The following MAP2K7 variants were observed in gnomAD, a reference collection of about 807,000 sequenced individuals.
MAP2K7 encodes dual specificity mitogen-activated protein kinase kinase 7.
Under a neutral mutation model 47.7 loss-of-function variants are expected in MAP2K7, and 12 were observed. The observed-to-expected ratio is 0.25, with a 90% CI of 0.16 to 0.41. The LOEUF (loss-of-function observed/expected upper bound fraction) is 0.41, where lower values mean the gene tolerates loss of function less well. MAP2K7 is among the 10% of genes least tolerant of loss of function. The pLI is 1.00. For missense variants in MAP2K7, 415 were observed against 600.3 expected (o/e 0.69, Z 3.23); for synonymous variants, 299 against 243.0 (o/e 1.23, Z -2.14).
At chr19:7,910,672 C>T (rs1160957509) in intron 5 of MAP2K7, 24 bp from the exon 6 acceptor site, 1 of 1,606,332 alleles carries the variant, frequency 6.2e-7, no homozygotes, top group Admixed American at 1.7e-5. Flanking sequence ...GACACAGCTC[C>T]CCCGGGTGCC....
In MAP2K7 at chr19:7,910,132, AC is replaced by A; in HGVS notation, c.333+5del. ...GCTACCTGACCATCGGGGGCCAGGT[AC>A]CACCTTCACTGTGGCGGGGAGAGGG... On this transcript the variant is annotated splice_donor_region_variant and intron_variant, in intron 3 of 10. Coordinates refer to ENST00000397979, the MANE Select transcript of MAP2K7 (RefSeq NM_145185.4). 1 of 1,606,006 alleles carries A rather than the reference AC, an allele frequency of 6.2e-7. No homozygotes were observed. Among genetic ancestry groups the A allele is most frequent in the Non-Finnish European group, 8.5e-7 (1 of 1,176,928 alleles).
chr19:7,912,681 C>A lies in MAP2K7; in HGVS notation c.*250C>A. 1 of 560,552 alleles carries A rather than the reference C, an allele frequency of 1.8e-6. No individual in the cohort carries two copies. The highest frequency in any genetic ancestry group is 3.2e-6 in the Non-Finnish European group (1 of 315,934). The allele number at this position is 560,552 out of a possible 1,614,324, so 34.7% of individuals were successfully genotyped here. Reference sequence around the variant, plus strand: ...ACACTGTGAACGGAAGACAGCAGGCCGCGATCAGAGTCGCTGTTCATTCAG... The same window carrying A: ...ACACTGTGAACGGAAGACAGCAGGCAGCGATCAGAGTCGCTGTTCATTCAG... On this transcript the variant is annotated 3_prime_UTR_variant, in exon 11 of 11. Coordinates refer to ENST00000397979, the MANE Select transcript of MAP2K7 (RefSeq NM_145185.4).
chr19:7,910,672 C>A (rs1160957509), intron 5 of MAP2K7, 24 bp from the exon 6 acceptor site: 1 of 1,606,450 alleles, frequency 6.2e-7, no homozygotes, highest in South Asian at 1.1e-5. Context: ...GACACAGCTC[C>A]CCCGGGTGCC....
At chr19:7,907,492 C>G (rs1252935051) in intron 1 of MAP2K7, among the ~76,000 whole-genome samples, 1 of 152,230 alleles carries the variant, frequency 6.6e-6, no homozygotes, top group African/African-American at 2.4e-5. Flanking sequence ...GCCTCTCGCT[C>G]TCTCTCATCC....
intron 1 of MAP2K7, 78 bp downstream of exon 1, chr19:7,904,146 A>C: frequency 8.8e-7 from 1 of 1,131,452 alleles, no homozygotes. Context: ...CCCCACCACA[A>C]GGCCCCGCCC....
At chr19:7,904,103 G>T in intron 1 of MAP2K7, 35 bp downstream of exon 1, 1 of 971,238 alleles carries the variant, frequency 1.0e-6, no homozygotes. Context: ...GGGCGGGCGG[G>T]CGGGGCGGGG....
intron 7 of MAP2K7, 27 bp from the exon 8 acceptor site, chr19:7,911,223 A>T (rs765186979): frequency 6.2e-7 from 1 of 1,608,048 alleles, no homozygotes; most frequent in South Asian, 1.1e-5. Flanking sequence ...AGCCTTGGAG[A>T]TACGTCTTCT....
rs1435136254 is a variant in MAP2K7 at position 7,909,803 on chromosome 19, C to T, written c.173C>T (p.Ser58Leu). Reference sequence around the variant, plus strand: ...GATGGGGGCAGCCGCTCGCCATCCTCAGAGAGCTCCCCGCAGCACCCCACG... The same window carrying T: ...GATGGGGGCAGCCGCTCGCCATCCTTAGAGAGCTCCCCGCAGCACCCCACG... ...ANDGGSRSPS[S>L]ESSPQHPTPP... The change falls in exon 2 of 11, where the codon TCA (serine) becomes TTA (leucine). Residue 58 changes from serine to leucine, a missense_variant. Ser to Leu is a moderately radical substitution (Grantham distance 145). Coordinates refer to ENST00000397979, the MANE Select transcript of MAP2K7 (RefSeq NM_145185.4). The T allele has an allele frequency of 1.9e-6, 3 of 1,543,434 alleles. No homozygotes were observed. Among genetic ancestry groups the T allele is most frequent in the Non-Finnish European group, 1.7e-6 (2 of 1,146,184 alleles).
Position 7,911,501 on chromosome 19 carries a change from A to G in MAP2K7, c.1002A>G (p.Lys334=). ...NCKTDFEVLT[K]VLQEEPPLLP... The stretch of plus-strand genomic sequence containing the variant: ...AGACGGACTTTGAGGTCCTCACCAA[A>G]GTCCTACAGGAAGAGCCCCCGCTTC... Residue 334 remains lysine (K), a synonymous_variant, in exon 9 of 11, where the codon AAA becomes AAG. Coordinates refer to ENST00000397979, the MANE Select transcript of MAP2K7 (RefSeq NM_145185.4). 1 of 1,613,262 alleles carries G rather than the reference A, an allele frequency of 6.2e-7. No homozygotes were observed. The highest frequency in any genetic ancestry group is 1.1e-5 in the South Asian group (1 of 91,060).
rs1432417854 is a variant in MAP2K7, at chr19:7,909,933, G to A, written c.266+37G>A. The A allele has an allele frequency of 3.3e-6, 5 of 1,501,948 alleles. No homozygotes were observed. The East Asian group carries it at 1.2e-4, about 37-fold the overall frequency. 93.0% of individuals were successfully genotyped at this position (1,501,948 alleles called of 1,614,324 possible). ...GCCCAGCAGGGTTGGGTGGGAAGCA[G>A]CATTGAGGGGCCACCGTGCCAGCCC... On this transcript the variant is annotated intron_variant, in intron 2 of 10. Coordinates refer to ENST00000397979, the MANE Select transcript of MAP2K7 (RefSeq NM_145185.4).
intron 1 of MAP2K7, chr19:7,905,921 C>T (rs1982421047): frequency 2.1e-6 from 3 of 1,438,172 alleles, no homozygotes; most frequent in Non-Finnish European, 2.9e-6. Context: ...GCCCCGGCCG[C>T]AGAATGGCGT....
At chr19:7,905,857 T>C (rs1952009866) in intron 1 of MAP2K7, 1 of 1,612,360 alleles carries the variant, frequency 6.2e-7, no homozygotes, top group Non-Finnish European at 8.5e-7. Flanking sequence ...AACGAGCAGG[T>C]ACCAGCCTTT....
At position 7,912,160 on chromosome 19, in the gene MAP2K7, A is replaced by T; in HGVS notation, c.1091A>T (p.Asp364Val). The T allele has an allele frequency of 6.2e-7, 1 of 1,614,018 alleles. No individual in the cohort carries two copies. The highest frequency in any genetic ancestry group is 8.5e-7 in the Non-Finnish European group (1 of 1,179,952). The change falls in exon 10 of 11, where the codon GAT becomes GTT. Residue 364 changes from aspartate to valine, a missense_variant. Physicochemically the swap from Asp to Val is radical, Grantham distance 152. This residue lies in a region of MAP2K7 where 94 missense variants were observed against 105.2 expected (regional missense o/e 0.89). Transcript: ENST00000397979. ...QSFVKDCLTK[D>V]HRKRPKYNKL... The stretch of plus-strand genomic sequence containing the variant: ...TTCTCTTGCTCTAGCCTTACTAAAG[A>T]TCACAGGAAGAGACCAAAGTATAAT...
At chr19:7,905,244 T>C (rs141354190) in intron 1 of MAP2K7, among the ~76,000 whole-genome samples, 177 of 142,990 alleles carry the variant, frequency 1.2e-3, no homozygotes, top group African/African-American at 4.2e-3. Flanking sequence ...TATGGAGTCA[T>C]TATGGCAGGC....
chr19:7,909,855 G>T lies in MAP2K7; in HGVS notation c.225G>T (p.Leu75=). The change falls in exon 2 of 11, where the codon CTG becomes CTT. Residue 75 remains leucine, a synonymous_variant. Coordinates refer to ENST00000397979, the MANE Select transcript of MAP2K7 (RefSeq NM_145185.4). ...PTPPARPRHM[L]GLPSTLFTPR... is the part of the protein sequence containing the mutation. ...CCCCCGCCCGGCCCCGCCACATGCTGGGGCTCCCGTCAACCCTGTTCACAC... is the reference window on the plus strand; with the variant it reads ...CCCCCGCCCGGCCCCGCCACATGCTTGGGCTCCCGTCAACCCTGTTCACAC... 6.5e-7 allele frequency: 1 copy of T among 1,539,180 alleles called. No individual in the cohort carries two copies. The highest frequency in any genetic ancestry group is 2.0e-5 in the Admixed American group (1 of 50,004).
Position 7,911,540 on chromosome 19 carries a change from G to A in MAP2K7, c.1041G>A (p.Met347Ile). 1 of 1,605,726 alleles carries A rather than the reference G, an allele frequency of 6.2e-7. No individual in the cohort carries two copies. Among genetic ancestry groups the A allele is most frequent in the Non-Finnish European group, 8.5e-7 (1 of 1,175,484 alleles). Residue 347 changes from methionine to isoleucine, a missense_variant, in exon 9 of 11, where the codon ATG becomes ATA. Transcript: ENST00000397979. ...QEEPPLLPGH[M>I]GFSGDFQSFV... ...AGCCCCCGCTTCTGCCCGGACACAT[G>A]GGCTTCTCGGGGGACTTCCAGTCCT...
chr19:7,911,307 G>A lies in MAP2K7; in HGVS notation c.913G>A (p.Val305Ile), dbSNP rs879150050. Residue 305 changes from valine to isoleucine, a missense_variant, in exon 8 of 11, where the codon GTA (valine) becomes ATA (isoleucine). Val to Ile is a conservative substitution (Grantham distance 29, BLOSUM62 3). This residue lies in a region of MAP2K7 where 206 missense variants were observed against 368.8 expected (regional missense o/e 0.56). Transcript: ENST00000397979. ...GCCGGACTATGACATCCGGGCCGAC[G>A]TATGGAGCCTGGGCATCTCGTTGGT... ...TKPDYDIRAD[V>I]WSLGISLVEL... 2.5e-6 allele frequency: 4 copies of A among 1,613,388 alleles called. No homozygotes were observed. The highest frequency in any genetic ancestry group is 2.2e-5 in the East Asian group (1 of 44,882).
chr19:7,910,605 T>C, intron 5 of MAP2K7, 33 bp downstream of exon 5: 4 of 1,612,902 alleles, frequency 2.5e-6, no homozygotes, highest in Non-Finnish European at 3.4e-6. Context: ...CAGCGTCTCC[T>C]CCTCCCTCAC....
chr19:7,907,111 C>T (rs1181215992), intron 1 of MAP2K7: 1 of 151,368 alleles, frequency 6.6e-6, no homozygotes, highest in Non-Finnish European at 1.5e-5. Flanking sequence ...CCACTGCATT[C>T]CAGCCTGGGC....
Sources: allele counts gnomAD v4.1 joint callset (sites outside exome capture counted in the v4.1 genomes callset), GRCh38; gene constraint gnomAD v4.1.1; regional missense constraint gnomAD v4.1.1; transcripts MANE v1.5; gene names NCBI Gene and HGNC (gene_info 2026-07-23, HGNC 2026-07-21).